The following TCF12 variants were observed in gnomAD, a reference collection of about 807,000 sequenced individuals.
The protein encoded by TCF12 is DNA-binding protein HTF4.
In TCF12, 45 loss-of-function variants were observed where a neutral mutation model predicts 86.0. The observed-to-expected ratio is 0.52, with a 90% CI of 0.41 to 0.67. TCF12 has a LOEUF of 0.67. TCF12 is among the 30% of genes least tolerant of loss of function. TCF12 has a pLI of 0.00. For synonymous variants in TCF12, 330 were observed against 299.6 expected (o/e 1.10, Z -1.05); for missense variants, 881 against 859.9 (o/e 1.02, Z -0.31).
chr15:57,061,256 G>A (rs2068437905), intron 3 of TCF12, among the ~76,000 whole-genome samples: 1 of 152,050 alleles, frequency 6.6e-6, no homozygotes. Flanking sequence ...CTCTGTAACT[G>A]GCACCCATCT....
At chr15:57,038,611 A>G (rs746266681) in intron 3 of TCF12, among the ~76,000 whole-genome samples, 1 of 152,052 alleles carries the variant, frequency 6.6e-6, no homozygotes, top group Non-Finnish European at 1.5e-5. Context: ...TTGCCAAAGC[A>G]TGTCCTTCAT....
At chr15:57,236,210 C>G (rs911492593) in intron 12 of TCF12, among the ~76,000 whole-genome samples, 2 of 152,180 alleles carry the variant, frequency 1.3e-5, no homozygotes, top group African/African-American at 2.4e-5. Flanking sequence ...CCATCTGCTT[C>G]CCCACTTCCC....
intron 4 of TCF12, among the ~76,000 whole-genome samples, chr15:57,087,905 T>TA (rs766183000): frequency 1.3e-5 from 2 of 152,180 alleles, no homozygotes; most frequent in Non-Finnish European, 2.9e-5. Flanking sequence ...TCTCATGTAT[T>TA]AAAAAATCTC....
intron 3 of TCF12, among the ~76,000 whole-genome samples, chr15:57,007,101 A>G (rs2064426689): frequency 6.6e-6 from 1 of 152,230 alleles, no homozygotes; most frequent in Non-Finnish European, 1.5e-5. Flanking sequence ...CAGAGTCTAT[A>G]CATTGTATTC....
intron 6 of TCF12, among the ~76,000 whole-genome samples, chr15:57,181,592 C>CT (rs2151645494): frequency 6.6e-6 from 1 of 152,194 alleles, no homozygotes; most frequent in Non-Finnish European, 1.5e-5. Flanking sequence ...TACTTTATTC[C>CT]TTTCATTTAC....
In TCF12 at chr15:57,253,731, G is replaced by A. The variant is rs533000345; in HGVS notation, c.1467+263G>A. The stretch of plus-strand genomic sequence containing the variant: ...ATTTTTTTCCAGATGTGTAATAATT[G>A]GCACAGCAGTTTTTGCCTTGAAATA... On this transcript the variant is annotated intron_variant, in intron 16 of 20. Coordinates refer to ENST00000333725, the MANE Select transcript of TCF12 (RefSeq NM_207037.2). Among the ~76,000 whole-genome samples, 22 of 152,246 alleles carry A rather than the reference G, an allele frequency of 1.4e-4. 1 individual carries two copies. In the South Asian group the frequency reaches 3.9e-3, roughly 27 times the overall value.
intron 4 of TCF12, among the ~76,000 whole-genome samples, chr15:57,084,470 T>C (rs1463511686): frequency 1.3e-5 from 2 of 152,214 alleles, no homozygotes; most frequent in Non-Finnish European, 2.9e-5. Flanking sequence ...TACAGGATAA[T>C]ATAAACCAGT....
At position 57,232,300 on chromosome 15, in the gene TCF12, A is replaced by G. The variant is rs2059171568; in HGVS notation, c.695A>G (p.His232Arg). 6.2e-7 allele frequency: 1 copy of G among 1,614,042 alleles called. No homozygotes were observed. The highest frequency in any genetic ancestry group is 8.5e-7 in the Non-Finnish European group (1 of 1,179,914). Reference sequence around the variant, plus strand: ...TCTCTTTTTGTCTTAGATGGGACCCACAATTCTTCTGACCTTTGGAGTTCA... The same window carrying G: ...TCTCTTTTTGTCTTAGATGGGACCCGCAATTCTTCTGACCTTTGGAGTTCA... ...ASTFFMQDGT[H>R]NSSDLWSSSN... The change falls in exon 10 of 21, where the codon CAC (histidine) becomes CGC (arginine). Residue 232 changes from histidine (H) to arginine (R), a missense_variant. Transcript: ENST00000333725.
At position 57,209,900 on chromosome 15, in the gene TCF12, A is replaced by C. The variant is rs74430093; in HGVS notation, c.579+12075A>C. On this transcript the variant is annotated intron_variant, in intron 8 of 20. Coordinates refer to ENST00000333725, the MANE Select transcript of TCF12 (RefSeq NM_207037.2). ...AAGATGTCAAGCACACTCCTACCTCAGGGCCTTTGCATTTGCAGTTTATGG... is the reference window on the plus strand; with the variant it reads ...AAGATGTCAAGCACACTCCTACCTCCGGGCCTTTGCATTTGCAGTTTATGG... Among the ~76,000 whole-genome samples the C allele has an allele frequency of 6.0e-4, 91 of 152,216 alleles. 1 individual carries two copies. In the East Asian group the frequency reaches 0.016, roughly 27 times the overall value.
intron 6 of TCF12, among the ~76,000 whole-genome samples, chr15:57,169,770 T>C (rs938825882): frequency 6.6e-6 from 1 of 152,178 alleles, no homozygotes; most frequent in Non-Finnish European, 1.5e-5. Flanking sequence ...TATTAATGTT[T>C]TTATTATGTT....
chr15:57,138,493 A>G (rs1396099905), intron 5 of TCF12, among the ~76,000 whole-genome samples: 2 of 152,222 alleles, frequency 1.3e-5, no homozygotes, highest in African/African-American at 4.8e-5. Context: ...GGCAACTGCT[A>G]TGGCTATTCC....
At chr15:57,228,133 A>G (rs541584142) in intron 8 of TCF12, among the ~76,000 whole-genome samples, 14 of 152,048 alleles carry the variant, frequency 9.2e-5, no homozygotes, top group South Asian at 4.2e-4. Context: ...TTGGCTGACT[A>G]TTTCCCTACA....
chr15:57,063,842 C>T lies in TCF12; in HGVS notation c.222+19C>T, dbSNP rs777050221. 1.9e-6 allele frequency: 3 copies of T among 1,549,698 alleles called. No individual in the cohort carries two copies. Among genetic ancestry groups the T allele is most frequent in the South Asian group, 1.2e-5 (1 of 82,466 alleles). ...ATCTAGAGTAAGTTTGCTGATCAAC[C>T]CTTGATTAAAGCTGTAATTTGGCAG... On this transcript the variant is annotated intron_variant, in intron 4 of 20. Transcript: ENST00000333725.
chr15:57,115,191 A>AG, intron 5 of TCF12, among the ~76,000 whole-genome samples: 1 of 152,336 alleles, frequency 6.6e-6, no homozygotes, highest in South Asian at 2.1e-4. Context: ...TAAAGATCAA[A>AG]GGTTCAAAGT....
chr15:57,247,939 T>G, intron 13 of TCF12: 1 of 755,528 alleles, frequency 1.3e-6, no homozygotes, highest in Non-Finnish European at 2.4e-6. Context: ...AGTAAAAAGT[T>G]TTTGCAAAAG....
At chr15:57,034,385 C>G (rs537760169) in intron 3 of TCF12, among the ~76,000 whole-genome samples, 1 of 151,848 alleles carries the variant, frequency 6.6e-6, no homozygotes, top group African/African-American at 2.4e-5. Flanking sequence ...TTTATTTAGT[C>G]GAGTTTGTAG....
At chr15:57,179,696 A>G (rs1442487014) in intron 6 of TCF12, among the ~76,000 whole-genome samples, 1 of 152,220 alleles carries the variant, frequency 6.6e-6, no homozygotes, top group Admixed American at 6.5e-5. Flanking sequence ...TAAAAGAACC[A>G]GTGTAAAAGT....
chr15:57,252,894 C>A (rs1007231334), intron 15 of TCF12, among the ~76,000 whole-genome samples: 1 of 146,578 alleles, frequency 6.8e-6, no homozygotes, highest in Non-Finnish European at 1.5e-5. Flanking sequence ...AAATTGCCAT[C>A]ATTCAAAGAT....
chr15:57,252,875 C>T lies in TCF12; in HGVS notation c.1260+383C>T, dbSNP rs112245183. On this transcript the variant is annotated intron_variant, in intron 15 of 20. Transcript: ENST00000333725. ...AACTTAAACTTACTGGATTTGAGGT[C>T]CCTTCCCCAAATTGCCATCATTCAA... Among the ~76,000 whole-genome samples the T allele has an allele frequency of 2.4e-4, 36 of 151,280 alleles. 4 individuals carry two copies. Among genetic ancestry groups the T allele is most frequent in the African/African-American group, 8.7e-4 (36 of 41,182 alleles).
Sources: gnomAD v4.1 joint callset for allele counts (sites outside exome capture counted in the v4.1 genomes callset) on GRCh38, gnomAD v4.1.1 for gene constraint, MANE v1.5 for transcripts, NCBI Gene and HGNC (gene_info 2026-07-23, HGNC 2026-07-21) for gene names.